Variants in ZNF226 observed in about 807,000 individuals in gnomAD.
ZNF226 encodes the protein zinc finger protein 226, also known as Kruppel-associated box protein.
ZNF226 carries 6 observed loss-of-function variants against 11.4 expected under a neutral mutation model. That is an observed-to-expected ratio of 0.53 (90% CI 0.29 to 1.04). The LOEUF is 1.04. ZNF226 is among the 50% of genes least tolerant of loss of function. The pLI is 0.08. For synonymous variants in ZNF226, 350 were observed against 322.8 expected, an observed-to-expected ratio of 1.08 and a Z score of -0.90; for missense variants, 1,058 against 956.5, an observed-to-expected ratio of 1.11 and a Z score of -1.40.
rs1345409785 is a variant in ZNF226, at chr19:44,175,543, CAGA to C, written c.288_290del (p.Glu97del). 9 of 1,611,136 alleles carry C rather than the reference CAGA, an allele frequency of 5.6e-6. No individual in the cohort carries two copies. The highest frequency in any genetic ancestry group is 7.6e-6 in the Non-Finnish European group (9 of 1,178,768). The stretch of plus-strand genomic sequence containing the variant: ...TTAATTACTGTTCAAGACAGAGAAT[CAGA>C]AGAAGAGCTTTCTTGTTGGCAAATC... On this transcript the variant is annotated inframe_deletion, in exon 6 of 6. Coordinates refer to ENST00000337433, the MANE Select transcript of ZNF226 (RefSeq NM_001032373.2).
downstream of ZNF226, among the ~76,000 whole-genome samples, chr19:44,178,643 C>T (rs1568576355): frequency 6.6e-6 from 1 of 151,896 alleles, no homozygotes; most frequent in Non-Finnish European, 1.5e-5. Flanking sequence ...CTAGTGGTGG[C>T]AGTGAAAAAA....
At chr19:44,173,090 C>T (rs1970296823) in intron 5 of ZNF226, 138 bp downstream of exon 5, 3 of 703,542 alleles carry the variant, frequency 4.3e-6, no homozygotes, top group Non-Finnish European at 7.2e-6. Flanking sequence ...ACTGCTTGCC[C>T]TGCTCCCACC....
intron 2 of ZNF226, among the ~76,000 whole-genome samples, 177 bp downstream of exon 2, chr19:44,165,984 T>A (rs1296521651): frequency 6.6e-6 from 1 of 152,190 alleles, no homozygotes; most frequent in Admixed American, 6.5e-5. Flanking sequence ...AGTGATACTC[T>A]TTTTCCGAGG....
chr19:44,192,452 AGAGT>A, the ZNF226 span, among the ~76,000 whole-genome samples: 1 of 152,182 alleles, frequency 6.6e-6, no homozygotes, highest in African/African-American at 2.4e-5. Context: ...TCACTTAATC[AGAGT>A]GAAAAAAGCT....
chr19:44,179,257 C>G (rs990033817), downstream of ZNF226, among the ~76,000 whole-genome samples: 4 of 152,112 alleles, frequency 2.6e-5, no homozygotes, highest in South Asian at 4.1e-4. Flanking sequence ...CTGTCCTATG[C>G]CACCACAGCA....
At chr19:44,178,187 G>A (rs978273605), downstream of ZNF226, 1 of 155,284 alleles carries the variant, frequency 6.4e-6, no homozygotes, top group African/African-American at 2.4e-5. Flanking sequence ...GCATTGTCTT[G>A]TGATTAGATC....
the ZNF226 span, among the ~76,000 whole-genome samples, chr19:44,198,726 T>G: frequency 1.3e-5 from 2 of 152,264 alleles, no homozygotes; most frequent in African/African-American, 2.4e-5. Context: ...GGTAGACCTG[T>G]TCAGGGAGAC....
chr19:44,191,799 A>T, the ZNF226 span, among the ~76,000 whole-genome samples: 1 of 152,190 alleles, frequency 6.6e-6, no homozygotes, highest in East Asian at 1.9e-4. Context: ...CAAAGCTCCT[A>T]AGTAATGAAA....
the ZNF226 span, among the ~76,000 whole-genome samples, chr19:44,197,804 A>T: frequency 6.6e-6 from 1 of 152,180 alleles, no homozygotes; most frequent in South Asian, 2.1e-4. Context: ...TTATCTTTTC[A>T]ACTGTGGCCA....
the ZNF226 span, among the ~76,000 whole-genome samples, chr19:44,188,942 C>T: frequency 6.6e-6 from 1 of 152,042 alleles, no homozygotes; most frequent in Non-Finnish European, 1.5e-5. Context: ...TTTTCTTGAC[C>T]ACAGGGTTCA....
the ZNF226 span, among the ~76,000 whole-genome samples, chr19:44,192,186 T>C: frequency 6.6e-6 from 1 of 152,336 alleles, no homozygotes; most frequent in African/African-American, 2.4e-5. Flanking sequence ...AATCAAATTA[T>C]ACTGGAAGAA....
At chr19:44,172,346 T>G in intron 4 of ZNF226, 132 bp downstream of exon 4, 1 of 1,218,226 alleles carries the variant, frequency 8.2e-7, no homozygotes. Flanking sequence ...ACTGGATGTT[T>G]CTGGTCTTTC....
At chr19:44,169,374 ATCT>A (rs1969806790) in intron 2 of ZNF226, among the ~76,000 whole-genome samples, 1 of 152,166 alleles carries the variant, frequency 6.6e-6, no homozygotes, top group African/African-American at 2.4e-5. Flanking sequence ...TAATTGCGGT[ATCT>A]TCGGTTTTAT....
At chr19:44,181,223 GT>G (rs140929889), downstream of ZNF226, among the ~76,000 whole-genome samples, 3 of 152,196 alleles carry the variant, frequency 2.0e-5, no homozygotes, top group Non-Finnish European at 4.4e-5. Flanking sequence ...TCCAAAAAAA[GT>G]TTTAAAAGTT....
chr19:44,183,375 C>T (rs1376997486), downstream of ZNF226, among the ~76,000 whole-genome samples: 1 of 152,134 alleles, frequency 6.6e-6, no homozygotes, highest in Middle Eastern at 3.2e-3. Flanking sequence ...CAGCTGCATT[C>T]AATAGCTGAC....
At chr19:44,189,742 C>G in the ZNF226 span, among the ~76,000 whole-genome samples, 1 of 152,226 alleles carries the variant, frequency 6.6e-6, no homozygotes, top group Admixed American at 6.5e-5. Flanking sequence ...AGAGGGGCAA[C>G]AGTCTCATTA....
chr19:44,190,429 G>A, the ZNF226 span, among the ~76,000 whole-genome samples: 1 of 152,038 alleles, frequency 6.6e-6, no homozygotes, highest in Non-Finnish European at 1.5e-5. Context: ...CGCCTCCCGG[G>A]TTCCTGCCAT....
At chr19:44,192,239 T>C in the ZNF226 span, among the ~76,000 whole-genome samples, 1 of 152,224 alleles carries the variant, frequency 6.6e-6, no homozygotes, top group East Asian at 1.9e-4. Flanking sequence ...AAGACAAACA[T>C]TTTTAGTGTT....
the ZNF226 span, among the ~76,000 whole-genome samples, chr19:44,188,965 G>C: frequency 6.6e-6 from 1 of 152,212 alleles, no homozygotes; most frequent in African/African-American, 2.4e-5. Flanking sequence ...AACAACGGTG[G>C]TATCAGTCCA....
Sources: allele counts gnomAD v4.1 joint callset (sites outside exome capture counted in the v4.1 genomes callset), GRCh38; gene constraint gnomAD v4.1.1; transcripts MANE v1.5; gene names NCBI Gene and HGNC (gene_info 2026-07-23, HGNC 2026-07-21).